Variants in STOX2 observed in about 807,000 individuals in gnomAD.
The protein encoded by STOX2 is storkhead-box protein 2.
In STOX2, 28 loss-of-function variants were observed where a neutral mutation model predicts 60.9. The observed-to-expected ratio is 0.46, with a 90% CI of 0.34 to 0.63. STOX2 has a LOEUF of 0.63. Among genes scored for constraint, STOX2 ranks in the 30% least tolerant of loss-of-function variants. STOX2 has a pLI of 0.01. For missense variants in STOX2, 1,024 were observed against 1,187.7 expected, an observed-to-expected ratio of 0.86 and a Z score of 2.03; for synonymous variants, 472 against 463.9, an observed-to-expected ratio of 1.02 and a Z score of -0.22.
chr4:183,895,569 T>C (rs1259201332), intron 1 of STOX2, among the ~76,000 whole-genome samples: 3 of 152,262 alleles, frequency 2.0e-5, no homozygotes, highest in African/African-American at 7.2e-5. Context: ...TCATCACTAT[T>C]TTATATTCGA....
At chr4:183,881,514 G>A (rs1352573440) in intron 1 of STOX2, among the ~76,000 whole-genome samples, 1 of 152,008 alleles carries the variant, frequency 6.6e-6, no homozygotes, top group East Asian at 1.9e-4. Context: ...AAAAGAAAAG[G>A]CTTGGTCAGT....
At chr4:183,948,905 G>A (rs4861592) in intron 1 of STOX2, among the ~76,000 whole-genome samples, 134,204 of 152,100 alleles carry the variant, frequency 0.88, 61,233 homozygotes, top group East Asian at 1. Flanking sequence ...GAGAACATGT[G>A]AAGTATTGTC....
chr4:183,862,883 C>G (rs953826041), intron 1 of STOX2, among the ~76,000 whole-genome samples: 1 of 152,124 alleles, frequency 6.6e-6, no homozygotes, highest in East Asian at 1.9e-4. Flanking sequence ...ACTACCACCT[C>G]GTGAGGCCTA....
chr4:183,968,209 A>C (rs542266819), intron 1 of STOX2, among the ~76,000 whole-genome samples: 1 of 152,228 alleles, frequency 6.6e-6, no homozygotes, highest in East Asian at 1.9e-4. Flanking sequence ...CACTTCAATA[A>C]AATTTGTGTG....
chr4:183,869,221 G>A (rs937457835), intron 1 of STOX2, among the ~76,000 whole-genome samples: 3 of 152,248 alleles, frequency 2.0e-5, no homozygotes, highest in East Asian at 1.9e-4. Context: ...TTTCCATGAC[G>A]AGGAAAGAAA....
intron 1 of STOX2, among the ~76,000 whole-genome samples, chr4:183,977,546 CGT>C (rs56043761): frequency 2.7e-5 from 4 of 147,768 alleles, no homozygotes; most frequent in South Asian, 4.3e-4. Flanking sequence ...CATTCCATTT[CGT>C]GTGTGTGTGT....
chr4:183,936,250 C>T (rs1281159691), intron 1 of STOX2, among the ~76,000 whole-genome samples: 2 of 152,130 alleles, frequency 1.3e-5, no homozygotes, highest in African/African-American at 4.8e-5. Context: ...TGTGTGAAAC[C>T]TTCGCTCTCA....
intron 1 of STOX2, among the ~76,000 whole-genome samples, chr4:183,858,428 C>T (rs1462253509): frequency 6.6e-6 from 1 of 152,260 alleles, no homozygotes; most frequent in Non-Finnish European, 1.5e-5. Flanking sequence ...AGCTCTGCTT[C>T]CGACTTTCCA....
intron 1 of STOX2, among the ~76,000 whole-genome samples, chr4:183,977,338 G>A (rs531930423): frequency 1.3e-5 from 2 of 152,248 alleles, no homozygotes; most frequent in East Asian, 1.9e-4. Flanking sequence ...GATTAGAAGT[G>A]TGTAAGGCAC....
At chr4:183,877,103 G>A (rs1321512676) in intron 1 of STOX2, among the ~76,000 whole-genome samples, 1 of 152,144 alleles carries the variant, frequency 6.6e-6, no homozygotes, top group African/African-American at 2.4e-5. Context: ...CAAAAAATAT[G>A]ATGAGGACCA....
chr4:183,801,687 G>C (rs571510310), intron 1 of STOX2, among the ~76,000 whole-genome samples: 2 of 152,204 alleles, frequency 1.3e-5, no homozygotes, highest in Non-Finnish European at 2.9e-5. Context: ...GGAGGTGCCC[G>C]GAGCTTGAGT....
intron 1 of STOX2, among the ~76,000 whole-genome samples, chr4:183,917,441 AC>A (rs1741963389): frequency 6.6e-6 from 1 of 152,204 alleles, no homozygotes. Context: ...AATTCACCAA[AC>A]GTCTAAGATA....
chr4:183,940,139 G>A (rs888228250), intron 1 of STOX2, among the ~76,000 whole-genome samples: 7 of 152,194 alleles, frequency 4.6e-5, no homozygotes, highest in African/African-American at 1.2e-4. Flanking sequence ...CTGACCTCAG[G>A]TGATTCACCT....
chr4:183,807,041 C>T (rs532756784), intron 1 of STOX2, among the ~76,000 whole-genome samples: 18 of 152,130 alleles, frequency 1.2e-4, no homozygotes, highest in East Asian at 5.8e-4. Context: ...GGCGCGATCT[C>T]GGCTCACTGC....
Position 184,011,442 on chromosome 4 carries a change from G to A in STOX2, c.2585+19G>A. 2 of 1,597,622 alleles carry A rather than the reference G, an allele frequency of 1.3e-6. No homozygotes were observed. Among genetic ancestry groups the A allele is most frequent in the Non-Finnish European group, 1.7e-6 (2 of 1,172,022 alleles). On this transcript the variant is annotated intron_variant, in intron 3 of 3. Coordinates refer to ENST00000308497, the MANE Select transcript of STOX2 (RefSeq NM_020225.3). This position sits in a 1 kb window ranked among gnomAD's most constrained non-coding sequence, Gnocchi z 4.4. Reference sequence around the variant, plus strand: ...CCCCACGGTAGGGAGAGGTGTCTCTGTGCACACACATGCGCCTAGCGGGGC... The same window carrying A: ...CCCCACGGTAGGGAGAGGTGTCTCTATGCACACACATGCGCCTAGCGGGGC...
chr4:183,803,145 C>T (rs961379703), intron 1 of STOX2, among the ~76,000 whole-genome samples: 3 of 152,136 alleles, frequency 2.0e-5, no homozygotes, highest in Admixed American at 6.5e-5. Context: ...TCTCGTGAAA[C>T]CCATTCACTA....
chr4:183,874,943 AAAAAAAAAAATATAT>A, intron 1 of STOX2, among the ~76,000 whole-genome samples: 1 of 91,970 alleles, frequency 1.1e-5, no homozygotes, highest in African/African-American at 4.4e-5. Flanking sequence ...AAAAAAAAAA[AAAAAAAAAAATATAT>A]ATATATATAT....
At position 184,009,837 on chromosome 4, in the gene STOX2, C is replaced by T. The variant is rs759900945; in HGVS notation, c.999C>T (p.Leu333=). 6 of 1,611,700 alleles carry T rather than the reference C, an allele frequency of 3.7e-6. No homozygotes were observed. The highest frequency in any genetic ancestry group is 4.5e-5 in the East Asian group (2 of 44,816). Residue 333 remains leucine, a synonymous_variant, in exon 3 of 4, where the codon CTC becomes CTT. Coordinates refer to ENST00000308497, the MANE Select transcript of STOX2 (RefSeq NM_020225.3). This position sits in a 1 kb window ranked among gnomAD's most constrained non-coding sequence, Gnocchi z 4.0. ...TVENVMRHTA[L]MKKLEEEKAQ... ...AAAATGTCATGCGGCACACCGCGCT[C>T]ATGAAGAAACTGGAAGAAGAAAAGG...
In STOX2 at chr4:183,821,049, G is replaced by A. The variant is rs1337971529; in HGVS notation, c.364+22994G>A. ...TTGAGTCCGGGAGGTCATGGTTACA[G>A]TGAGCTGTGATTGTGCCACTGTACT... On this transcript the variant is annotated intron_variant, in intron 1 of 2. Transcript: ENST00000513034. This position sits in a 1 kb window ranked among gnomAD's most constrained non-coding sequence, Gnocchi z 4.2. 1.3e-5 allele frequency among the ~76,000 whole-genome samples: 2 copies of A among 152,148 alleles called. No homozygotes were observed. The highest frequency in any genetic ancestry group is 2.9e-5 in the Non-Finnish European group (2 of 68,030).
Sources: gnomAD v4.1 joint callset for allele counts (sites outside exome capture counted in the v4.1 genomes callset) on GRCh38, gnomAD v4.1.1 for gene constraint, Gnocchi (gnomAD v3.1) non-coding constraint, MANE v1.5 for transcripts, NCBI Gene and HGNC (gene_info 2026-07-23, HGNC 2026-07-21) for gene names.